The following NUDT9 variants were observed in gnomAD, a reference collection of about 807,000 sequenced individuals.
NUDT9 encodes ADP-ribose pyrophosphatase.
In NUDT9, 31 loss-of-function variants were observed where a neutral mutation model predicts 41.0. The ratio of observed to expected loss-of-function variants is 0.76; its 90% CI spans 0.57 to 1.02. NUDT9 has a LOEUF of 1.02. NUDT9 is among the 50% of genes least tolerant of loss of function. The probability of loss-of-function intolerance (pLI) is 0.00; values close to 1 mark genes in which losing one functional copy is unlikely to be tolerated. For missense variants in NUDT9, 380 were observed against 431.4 expected (o/e 0.88, Z 1.06); for synonymous variants, 146 against 147.6 (o/e 0.99, Z 0.08).
At chr4:87,440,100 G>A (rs1442921772) in intron 3 of NUDT9, among the ~76,000 whole-genome samples, 1 of 151,924 alleles carries the variant, frequency 6.6e-6, no homozygotes, top group Non-Finnish European at 1.5e-5. Flanking sequence ...GATTCCTTAG[G>A]TTCTTTTATA....
At chr4:87,442,518 T>C (rs1722247762) in intron 4 of NUDT9, among the ~76,000 whole-genome samples, 1 of 152,238 alleles carries the variant, frequency 6.6e-6, no homozygotes. Context: ...ATATTTTCAT[T>C]TTGTTAATAA....
chr4:87,429,544 G>A (rs1721586216), intron 1 of NUDT9, among the ~76,000 whole-genome samples: 1 of 151,686 alleles, frequency 6.6e-6, no homozygotes. Context: ...TGGTAAATTT[G>A]GGTAGTCTTT....
rs531281804 is a variant in NUDT9, at chr4:87,437,516, AT to A, written c.348-754del. ...CCACCATGCCCAGCTAATTTTTTGT[AT>A]TTTTTTAGTAGAGATGGGGTTCCAC... is the stretch of plus-strand genomic sequence containing the variant. On this transcript the variant is annotated intron_variant, in intron 2 of 7. Coordinates refer to ENST00000302174, the MANE Select transcript of NUDT9 (RefSeq NM_024047.5). Among the ~76,000 whole-genome samples the A allele has an allele frequency of 1.9e-4, 29 of 150,784 alleles. 1 individual carries two copies. Among genetic ancestry groups the A allele is most frequent in the Middle Eastern group, 3.4e-3 (1 of 292 alleles).
chr4:87,443,476 T>C (rs892625217), intron 4 of NUDT9, among the ~76,000 whole-genome samples: 1 of 152,196 alleles, frequency 6.6e-6, no homozygotes, highest in Non-Finnish European at 1.5e-5. Flanking sequence ...CTTTGGTAAA[T>C]ATAAAAAATT....
intron 4 of NUDT9, among the ~76,000 whole-genome samples, chr4:87,447,403 A>G (rs1449872925): frequency 6.6e-6 from 1 of 152,118 alleles, no homozygotes; most frequent in African/African-American, 2.4e-5. Context: ...TCATATGCAT[A>G]CTAATATTTT....
At chr4:87,442,960 A>C (rs1417703082) in intron 4 of NUDT9, among the ~76,000 whole-genome samples, 1 of 152,216 alleles carries the variant, frequency 6.6e-6, no homozygotes. Flanking sequence ...TATACTCTAA[A>C]ATAATGATAA....
intron 1 of NUDT9, among the ~76,000 whole-genome samples, chr4:87,433,045 G>A (rs1041792715): frequency 1.3e-5 from 2 of 152,058 alleles, no homozygotes; most frequent in African/African-American, 2.4e-5. Flanking sequence ...TCCTCTTCAC[G>A]TTTTTGGAAG....
rs1723068064 is a variant in NUDT9, at chr4:87,458,063, A to G, written c.*42A>G. The stretch of plus-strand genomic sequence containing the variant: ...AAGCCAAAGGCCCACAGAGGAGCAT[A>G]TACTGAAAAGAAGGCAGTATCACAG... On this transcript the variant is annotated 3_prime_UTR_variant, in exon 8 of 8. Coordinates refer to ENST00000302174, the MANE Select transcript of NUDT9 (RefSeq NM_024047.5). 4 of 1,457,414 alleles carry G rather than the reference A, an allele frequency of 2.7e-6. No individual in the cohort carries two copies. The highest frequency in any genetic ancestry group is 1.6e-5 in the South Asian group (1 of 63,776). The allele number at this position is 1,457,414 out of a possible 1,614,324, so 90.3% of individuals were successfully genotyped here. A position where few individuals can be genotyped will look rare whatever the true frequency, so the allele number is the denominator to read the frequency against.
intron 4 of NUDT9, among the ~76,000 whole-genome samples, chr4:87,447,668 A>G (rs1270118643): frequency 6.6e-6 from 1 of 151,964 alleles, no homozygotes; most frequent in Admixed American, 6.6e-5. Flanking sequence ...TTTCTACAAA[A>G]CCCATAAGCA....
chr4:87,438,891 G>A (rs1011261104), intron 3 of NUDT9, among the ~76,000 whole-genome samples: 14 of 152,206 alleles, frequency 9.2e-5, no homozygotes, highest in Non-Finnish European at 1.5e-4. Flanking sequence ...ACCTGGCCGG[G>A]CGCAGTGGCT....
intron 1 of NUDT9, among the ~76,000 whole-genome samples, chr4:87,430,606 G>GT (rs1721646004): frequency 6.7e-6 from 1 of 148,994 alleles, no homozygotes; most frequent in Non-Finnish European, 1.5e-5. Flanking sequence ...TTTCTGTATT[G>GT]TTTTTTTGAT....
intron 6 of NUDT9, among the ~76,000 whole-genome samples, chr4:87,453,822 A>G (rs1480072421): frequency 3.3e-5 from 5 of 150,068 alleles, no homozygotes; most frequent in Non-Finnish European, 7.4e-5. Context: ...TAAAAGTTTT[A>G]TGATATTTAC....
chr4:87,446,159 G>T (rs1028426995), intron 4 of NUDT9, among the ~76,000 whole-genome samples: 1 of 150,224 alleles, frequency 6.7e-6, no homozygotes, highest in African/African-American at 2.5e-5. Context: ...TTGAGTCTTT[G>T]TTTTCCCAGC....
chr4:87,456,670 G>T (rs187383349), intron 7 of NUDT9, among the ~76,000 whole-genome samples: 2 of 152,234 alleles, frequency 1.3e-5, no homozygotes, highest in East Asian at 3.9e-4. Flanking sequence ...TTCCTACCAG[G>T]TGCTGACTCC....
At position 87,441,548 on chromosome 4, in the gene NUDT9, A is replaced by G. The variant is rs190781409; in HGVS notation, c.444-281A>G. ...AGGAACGTTCCAGTTTGAATTTAGG[A>G]GTATAGGTGAAAACTGAAACAAATC... On this transcript the variant is annotated intron_variant, in intron 3 of 7. Coordinates refer to ENST00000302174, the MANE Select transcript of NUDT9 (RefSeq NM_024047.5). Among the ~76,000 whole-genome samples the G allele has an allele frequency of 1.4e-4, 21 of 152,278 alleles. No homozygotes were observed. In the East Asian group the frequency reaches 3.7e-3, roughly 27 times the overall value.
At chr4:87,428,688 C>T (rs748044984) in intron 1 of NUDT9, among the ~76,000 whole-genome samples, 1 of 151,988 alleles carries the variant, frequency 6.6e-6, no homozygotes. Flanking sequence ...GTAAAAAGAT[C>T]AGGAGTTGGA....
At chr4:87,423,139 G>A in intron 1 of NUDT9, 127 bp downstream of exon 1, 1 of 568,590 alleles carries the variant, frequency 1.8e-6, no homozygotes, top group Non-Finnish European at 3.0e-6. Context: ...TCATATACAA[G>A]TTTTCAAAAA....
intron 1 of NUDT9, among the ~76,000 whole-genome samples, chr4:87,423,738 G>A (rs1294860328): frequency 1.3e-5 from 2 of 152,146 alleles, no homozygotes; most frequent in Admixed American, 6.5e-5. Context: ...AACATGTGAT[G>A]GGCACTGGTT....
At chr4:87,437,657 C>T (rs919837049) in intron 2 of NUDT9, among the ~76,000 whole-genome samples, 3 of 152,122 alleles carry the variant, frequency 2.0e-5, no homozygotes, top group African/African-American at 7.2e-5. Context: ...GTGCACATTT[C>T]TTACATGTGA....
Sources: allele counts gnomAD v4.1 joint callset (sites outside exome capture counted in the v4.1 genomes callset), GRCh38; gene constraint gnomAD v4.1.1; transcripts MANE v1.5; gene names NCBI Gene and HGNC (gene_info 2026-07-23, HGNC 2026-07-21).